LRP1B: variants seen among roughly 807,000 people sequenced by gnomAD.
LRP1B encodes the protein LDL receptor related protein 1B.
LRP1B carries 217 observed loss-of-function variants against 556.6 expected under a neutral mutation model. That is an observed-to-expected ratio of 0.39 (90% CI 0.35 to 0.44). LRP1B has a LOEUF of 0.44. Among genes scored for constraint, LRP1B ranks in the 20% least tolerant of loss-of-function variants. LRP1B has a pLI of 1.00. For missense variants in LRP1B, 5,053 were observed against 5,620.8 expected, an observed-to-expected ratio of 0.90 and a Z score of 3.23; for synonymous variants, 2,047 against 1,865.8, an observed-to-expected ratio of 1.10 and a Z score of -2.50.
intron 1 of LRP1B, among the ~76,000 whole-genome samples, chr2:142,066,569 G>T (rs1377587798): frequency 6.6e-6 from 1 of 151,314 alleles, no homozygotes; most frequent in Non-Finnish European, 1.5e-5. Context: ...TCTTCTAACA[G>T]TCTACTTACA....
intron 2 of LRP1B, among the ~76,000 whole-genome samples, chr2:141,545,189 A>C (rs980376734): frequency 6.6e-6 from 1 of 152,150 alleles, no homozygotes; most frequent in African/African-American, 2.4e-5. Context: ...TTCTTCAACC[A>C]CAGTGATTAG....
rs761366807 is a variant in LRP1B, at chr2:140,534,010, CA to C, written c.7762+10del. On this transcript the variant is annotated intron_variant, in intron 47 of 90. Transcript: ENST00000389484. ...CACCAATATTCTGAGATTGATGGAA[CA>C]AGTATTTACCTTTACAATCTAATTC... 17 of 1,612,254 alleles carry C rather than the reference CA, an allele frequency of 1.1e-5. No individual in the cohort carries two copies. The highest frequency in any genetic ancestry group is 2.5e-6 in the Non-Finnish European group (3 of 1,179,260).
intron 2 of LRP1B, among the ~76,000 whole-genome samples, chr2:141,495,378 A>G (rs2105121309): frequency 6.6e-6 from 1 of 152,278 alleles, no homozygotes; most frequent in Middle Eastern, 3.4e-3. Context: ...AAAATGGTCA[A>G]CGGGATCTGA....
intron 2 of LRP1B, among the ~76,000 whole-genome samples, chr2:141,488,655 C>A (rs1444252058): frequency 6.6e-6 from 1 of 151,948 alleles, no homozygotes; most frequent in Non-Finnish European, 1.5e-5. Flanking sequence ...CAGACAGGGT[C>A]TCACCATGTT....
chr2:140,375,707 C>A, intron 68 of LRP1B, among the ~76,000 whole-genome samples: 1 of 152,062 alleles, frequency 6.6e-6, no homozygotes, highest in Non-Finnish European at 1.5e-5. Context: ...TTAACAATGT[C>A]TATGGATGCA....
At chr2:141,747,092 T>G (rs888735233) in intron 2 of LRP1B, among the ~76,000 whole-genome samples, 8 of 152,176 alleles carry the variant, frequency 5.3e-5, no homozygotes, top group Admixed American at 3.3e-4. Flanking sequence ...GCTAGAATAT[T>G]ACAAACGATT....
At chr2:140,504,456 T>C (rs1335885778) in intron 53 of LRP1B, among the ~76,000 whole-genome samples, 1 of 152,162 alleles carries the variant, frequency 6.6e-6, no homozygotes, top group Non-Finnish European at 1.5e-5. Context: ...ACTTCAATCT[T>C]CAGTCTTTAT....
intron 2 of LRP1B, among the ~76,000 whole-genome samples, chr2:141,573,488 A>C (rs1003401151): frequency 6.6e-6 from 1 of 152,176 alleles, no homozygotes; most frequent in Admixed American, 6.5e-5. Flanking sequence ...CACATCAGAA[A>C]GCTAGAAAAA....
chr2:141,297,271 A>T (rs1370655644), intron 3 of LRP1B, among the ~76,000 whole-genome samples: 1 of 152,186 alleles, frequency 6.6e-6, no homozygotes. Context: ...ATCTCACACA[A>T]GTCAGAATGG....
At chr2:141,971,661 G>A (rs972499043) in intron 1 of LRP1B, among the ~76,000 whole-genome samples, 1 of 151,554 alleles carries the variant, frequency 6.6e-6, no homozygotes, top group Non-Finnish European at 1.5e-5. Flanking sequence ...TAAGGCATCA[G>A]TGAAAGATGT....
At chr2:141,160,478 C>G (rs1433650731) in intron 7 of LRP1B, among the ~76,000 whole-genome samples, 1 of 152,054 alleles carries the variant, frequency 6.6e-6, no homozygotes. Flanking sequence ...AGGTTTGTAA[C>G]AGCCCCAACT....
intron 2 of LRP1B, among the ~76,000 whole-genome samples, chr2:141,552,947 A>G (rs1185265702): frequency 6.6e-6 from 1 of 151,978 alleles, no homozygotes; most frequent in Non-Finnish European, 1.5e-5. Context: ...GAAACATTGA[A>G]AGAAGACCAG....
At chr2:141,584,866 G>A (rs966738571) in intron 2 of LRP1B, among the ~76,000 whole-genome samples, 1 of 152,158 alleles carries the variant, frequency 6.6e-6, no homozygotes, top group Non-Finnish European at 1.5e-5. Flanking sequence ...ACAGACAGTA[G>A]AATGGTGGTT....
chr2:141,087,586 C>T lies in LRP1B; in HGVS notation c.1014-25313G>A, dbSNP rs1485952129. Reference sequence around the variant, plus strand: ...CAGGTGAAAACAACACACAGTTCTGCCAGCAAGGAGGTCAGACAGTATTAA... The same window carrying T: ...CAGGTGAAAACAACACACAGTTCTGTCAGCAAGGAGGTCAGACAGTATTAA... On this transcript the variant is annotated intron_variant, in intron 7 of 90. Transcript: ENST00000389484. Among the ~76,000 whole-genome samples, 6 of 152,290 alleles carry T rather than the reference C, an allele frequency of 3.9e-5. No individual in the cohort carries two copies. The East Asian group carries it at 9.7e-4, about 25-fold the overall frequency.
At chr2:140,468,915 C>T (rs1687657055) in intron 60 of LRP1B, among the ~76,000 whole-genome samples, 1 of 152,082 alleles carries the variant, frequency 6.6e-6, no homozygotes, top group Non-Finnish European at 1.5e-5. Context: ...ATTTTGGAAA[C>T]AGATAACATG....
rs181762269 is a variant in LRP1B at position 141,032,432 on chromosome 2, C to A, written c.1790-12330G>T. ...CTATTACTAAATAATTCTTCAATAC[C>A]AATATAACAACTTACATTCTCCCCA... On this transcript the variant is annotated intron_variant, in intron 11 of 90. Transcript: ENST00000389484. Among the ~76,000 whole-genome samples the A allele has an allele frequency of 1.1e-3, 162 of 152,032 alleles. 1 individual carries two copies. Among genetic ancestry groups the A allele is most frequent in the African/African-American group, 3.6e-3 (149 of 41,508 alleles).
chr2:142,069,994 C>A (rs1414977120), intron 1 of LRP1B, among the ~76,000 whole-genome samples: 1 of 151,822 alleles, frequency 6.6e-6, no homozygotes, highest in Non-Finnish European at 1.5e-5. Flanking sequence ...AGTGAGCCAT[C>A]ATAATTTAAT....
rs59469282 is a variant in LRP1B, at chr2:140,872,360, A to ATTTTTTTTTTTTTTTT, written c.4170-4113_4170-4098dup. 1.7e-3 allele frequency among the ~76,000 whole-genome samples: 101 copies of ATTTTTTTTTTTTTTTT among 60,482 alleles called. 5 individuals are homozygous for ATTTTTTTTTTTTTTTT. Among genetic ancestry groups the ATTTTTTTTTTTTTTTT allele is most frequent in the Non-Finnish European group, 2.5e-3 (85 of 33,526 alleles). 39.7% of individuals were successfully genotyped at this position (60,482 alleles called of 152,430 possible). A position where few individuals can be genotyped will look rare whatever the true frequency, so the allele number is the denominator to read the frequency against. On this transcript the variant is annotated intron_variant, in intron 25 of 90. Transcript: ENST00000389484. The stretch of plus-strand genomic sequence containing the variant: ...GCTTGCTTTTGTATTGTGTCACCTG[A>ATTTTTTTTTTTTTTTT]TTTTTTTTTTTTTTTTTTTTTTTTT...
intron 1 of LRP1B, among the ~76,000 whole-genome samples, chr2:141,935,946 C>T (rs981704459): frequency 2.0e-5 from 3 of 152,134 alleles, no homozygotes; most frequent in Non-Finnish European, 4.4e-5. Context: ...TACTTTACTA[C>T]ATTAACACAC....
Sources: allele counts gnomAD v4.1 joint callset (sites outside exome capture counted in the v4.1 genomes callset), GRCh38; gene constraint gnomAD v4.1.1; transcripts MANE v1.5; gene names NCBI Gene and HGNC (gene_info 2026-07-23, HGNC 2026-07-21).